NAV1: variants seen among roughly 807,000 people sequenced by gnomAD.
NAV1 encodes pore membrane and/or filament interacting like protein 3.
In NAV1, 18 loss-of-function variants were observed where a neutral mutation model predicts 175.2. The ratio of observed to expected loss-of-function variants is 0.10; its 90% CI spans 0.07 to 0.15. The LOEUF (loss-of-function observed/expected upper bound fraction) is 0.15, where lower values mean the gene tolerates loss of function less well. NAV1 is among the 10% of genes least tolerant of loss of function. The pLI is 1.00. For synonymous variants in NAV1, 897 were observed against 978.7 expected, an observed-to-expected ratio of 0.92 and a Z score of 1.56; for missense variants, 1,731 against 2,436.6, an observed-to-expected ratio of 0.71 and a Z score of 6.10.
chr1:201,580,522 C>T (rs1251347488), intron 1 of NAV1, among the ~76,000 whole-genome samples: 2 of 152,186 alleles, frequency 1.3e-5, no homozygotes, highest in African/African-American at 2.4e-5. Context: ...CCTGTAATCC[C>T]ACCACTTTGG....
At chr1:201,769,162 G>T (rs562468519) in intron 3 of NAV1, among the ~76,000 whole-genome samples, 1 of 152,276 alleles carries the variant, frequency 6.6e-6, no homozygotes, top group South Asian at 2.1e-4. Flanking sequence ...ATGAGATATC[G>T]CTGGCTGCAG....
chr1:201,821,505 GAC>G (rs57007517), exon 30 of NAV1: 24,061 of 143,970 alleles, frequency 0.17, 1,945 homozygotes, highest in Non-Finnish European at 0.18. Context: ...GGTTAAAACA[GAC>G]ACACACACAC....
chr1:201,607,124 T>TTC (rs904850626), intron 2 of NAV1, among the ~76,000 whole-genome samples: 5 of 144,230 alleles, frequency 3.5e-5, no homozygotes, highest in African/African-American at 1.3e-4. Context: ...TCTTTTTTTT[T>TTC]TTTTTTTTTG....
rs146961307 is a variant in NAV1, at chr1:201,682,753, A to C, written c.758-30064A>C. Among the ~76,000 whole-genome samples, 984 of 152,318 alleles carry C rather than the reference A, an allele frequency of 6.5e-3. 8 individuals are homozygous for C. Among genetic ancestry groups the C allele is most frequent in the African/African-American group, 0.022 (899 of 41,558 alleles). On this transcript the variant is annotated intron_variant, in intron 1 of 29. Coordinates refer to ENST00000367296, the Ensembl canonical transcript of NAV1. ...AAGTAATGTGTAAGTGGACCCACTA[A>C]GTTCAAGTCCATGGTGTTCAAGGGG...
intron 2 of NAV1, among the ~76,000 whole-genome samples, chr1:201,609,298 A>G (rs965171684): frequency 1.3e-5 from 2 of 152,234 alleles, no homozygotes; most frequent in East Asian, 3.8e-4. Flanking sequence ...TGCACCTCAC[A>G]ACATAGTCCC....
At chr1:201,668,298 A>G (rs1296180575) in intron 1 of NAV1, among the ~76,000 whole-genome samples, 1 of 152,122 alleles carries the variant, frequency 6.6e-6, no homozygotes, top group Non-Finnish European at 1.5e-5. Flanking sequence ...TGGCTTTAGC[A>G]GGCTTTGTAC....
chr1:201,775,628 T>G (rs985276043), intron 3 of NAV1, among the ~76,000 whole-genome samples: 2 of 152,186 alleles, frequency 1.3e-5, no homozygotes, highest in African/African-American at 2.4e-5. Flanking sequence ...CCAGAAACTA[T>G]GCAAGGACAT....
At chr1:201,712,996 G>C (rs568808572) in intron 2 of NAV1, 77 bp downstream of exon 6, 1 of 1,104,442 alleles carries the variant, frequency 9.1e-7, no homozygotes, top group African/African-American at 1.5e-5. Context: ...CAGGGCCCCC[G>C]GGTCCCTCCA....
intron 3 of NAV1, among the ~76,000 whole-genome samples, chr1:201,756,377 T>G (rs1269433437): frequency 1.3e-5 from 2 of 152,256 alleles, no homozygotes; most frequent in Non-Finnish European, 2.9e-5. Context: ...CCCTGAATGC[T>G]TCATACTTCC....
In NAV1 at chr1:201,810,635, C is replaced by A. The variant is rs760410856; in HGVS notation, c.4674C>A (p.Gly1558=). The change falls in exon 24 of 30, where the codon GGC becomes GGA. Residue 1558 remains glycine (G), a synonymous_variant. Coordinates refer to ENST00000367296, the Ensembl canonical transcript of NAV1. The surrounding 1 kb of genome is among the most constrained non-coding windows in gnomAD (Gnocchi z 6.0). Reference sequence around the variant, plus strand: ...AGCACCGGCGCCTCGTCCTCTCGGGCCCCAGCGGCACGGGCAAGACCTACC... The same window carrying A: ...AGCACCGGCGCCTCGTCCTCTCGGGACCCAGCGGCACGGGCAAGACCTACC... The A allele has an allele frequency of 1.2e-6, 2 of 1,614,122 alleles. No homozygotes were observed. Among genetic ancestry groups the A allele is most frequent in the East Asian group, 4.5e-5 (2 of 44,874 alleles).
At chr1:201,667,508 G>A (rs1669874079) in intron 1 of NAV1, among the ~76,000 whole-genome samples, 1 of 152,210 alleles carries the variant, frequency 6.6e-6, no homozygotes, top group South Asian at 2.1e-4. Context: ...CAGCCGGTGA[G>A]TGGCAGATCA....
intron 15 of NAV1, among the ~76,000 whole-genome samples, chr1:201,801,800 C>T (rs1677884011): frequency 1.3e-5 from 2 of 152,068 alleles, no homozygotes; most frequent in Non-Finnish European, 2.9e-5. Context: ...TCAGAATTTC[C>T]GTTCTCCATT....
intron 3 of NAV1, chr1:201,724,744 C>T (rs570584133): frequency 6.5e-6 from 1 of 152,792 alleles, no homozygotes; most frequent in Non-Finnish European, 1.5e-5. Flanking sequence ...ACTTCTGCCA[C>T]ACCCTGGCTC....
intron 1 of NAV1, among the ~76,000 whole-genome samples, chr1:201,697,267 T>C (rs1362597608): frequency 6.6e-6 from 1 of 151,488 alleles, no homozygotes; most frequent in African/African-American, 2.4e-5. Context: ...AGTAGAGGGG[T>C]GAAGGGATCA....
exon 30 of NAV1, chr1:201,824,154 A>G (rs1297837953): frequency 6.6e-6 from 1 of 152,246 alleles, no homozygotes; most frequent in Non-Finnish European, 1.5e-5. Flanking sequence ...CACCAAGCGC[A>G]GTTCCTCATC....
exon 1 of NAV1, chr1:201,622,971 G>A: frequency 4.1e-6 from 4 of 986,302 alleles, no homozygotes; most frequent in Non-Finnish European, 4.8e-6. Flanking sequence ...CCCAGACCAG[G>A]ATTCCTACAC....
At chr1:201,702,952 G>C (rs1671501481) in intron 1 of NAV1, among the ~76,000 whole-genome samples, 1 of 152,156 alleles carries the variant, frequency 6.6e-6, no homozygotes, top group African/African-American at 2.4e-5. Context: ...AAAGCTGCTA[G>C]AATAGTGCCT....
chr1:201,786,185 C>A (rs921736817), intron 8 of NAV1, among the ~76,000 whole-genome samples: 1 of 152,140 alleles, frequency 6.6e-6, no homozygotes, highest in African/African-American at 2.4e-5. Context: ...ATCACTTCTG[C>A]CCCCAGCTCA....
chr1:201,747,950 C>T (rs1489163522), intron 3 of NAV1, among the ~76,000 whole-genome samples: 1 of 152,190 alleles, frequency 6.6e-6, no homozygotes, highest in Non-Finnish European at 1.5e-5. Flanking sequence ...ACGTCAACCC[C>T]ACCGGAATGG....
Sources: allele counts gnomAD v4.1 joint callset (sites outside exome capture counted in the v4.1 genomes callset), GRCh38; gene constraint gnomAD v4.1.1; non-coding constraint Gnocchi (gnomAD v3.1); transcripts MANE v1.5; gene names NCBI Gene and HGNC (gene_info 2026-07-23, HGNC 2026-07-21).